GABRB2: variants seen among roughly 807,000 people sequenced by gnomAD.
GABRB2 encodes gamma-aminobutyric acid type A receptor subunit beta2.
Under a neutral mutation model 54.7 loss-of-function variants are expected in GABRB2, and 16 were observed. The observed-to-expected ratio is 0.29, with a 90% CI of 0.20 to 0.44. The LOEUF is 0.44. Ranked by LOEUF, GABRB2 falls within the 20% of genes least tolerant of loss-of-function variation. The pLI is 1.00. For synonymous variants in GABRB2, 244 were observed against 233.8 expected, an observed-to-expected ratio of 1.04 and a Z score of -0.40; for missense variants, 355 against 644.0, an observed-to-expected ratio of 0.55 and a Z score of 4.86.
At chr5:161,492,252 C>T (rs116324089) in intron 3 of GABRB2, among the ~76,000 whole-genome samples, 437 of 151,644 alleles carry the variant, frequency 2.9e-3, no homozygotes, top group Non-Finnish European at 4.7e-3. Flanking sequence ...AAAAAATAAT[C>T]CTCCATGTTT....
chr5:161,486,702 G>A (rs1197351236), intron 3 of GABRB2, among the ~76,000 whole-genome samples: 4 of 151,808 alleles, frequency 2.6e-5, no homozygotes, highest in Non-Finnish European at 5.9e-5. Flanking sequence ...AGACAGATAT[G>A]CTTTTCCCTC....
chr5:161,360,354 G>T (rs1457387902), intron 5 of GABRB2, among the ~76,000 whole-genome samples: 1 of 152,170 alleles, frequency 6.6e-6, no homozygotes, highest in East Asian at 1.9e-4. Context: ...ATATAAGAAG[G>T]TTCAGATGTT....
At chr5:161,510,099 C>T (rs1561676796) in intron 3 of GABRB2, among the ~76,000 whole-genome samples, 1 of 151,710 alleles carries the variant, frequency 6.6e-6, no homozygotes, top group African/African-American at 2.4e-5. Flanking sequence ...GTATGTATCC[C>T]CTCGAGCATT....
At chr5:161,488,478 T>A (rs1356207221) in intron 3 of GABRB2, among the ~76,000 whole-genome samples, 1 of 151,770 alleles carries the variant, frequency 6.6e-6, no homozygotes, top group African/African-American at 2.4e-5. Context: ...TATGATTGTA[T>A]AAATATGTTT....
chr5:161,353,446 C>G (rs1473359377), intron 5 of GABRB2, among the ~76,000 whole-genome samples: 1 of 152,026 alleles, frequency 6.6e-6, no homozygotes, highest in East Asian at 1.9e-4. Flanking sequence ...TTGACAGATA[C>G]AGGAACGTTG....
intron 3 of GABRB2, among the ~76,000 whole-genome samples, chr5:161,529,587 G>A (rs2113450873): frequency 6.6e-6 from 1 of 152,058 alleles, no homozygotes; most frequent in African/African-American, 2.4e-5. Flanking sequence ...TTATTTCATA[G>A]CTTTTGAGAA....
At chr5:161,439,632 G>A (rs1289136262) in intron 4 of GABRB2, among the ~76,000 whole-genome samples, 1 of 151,372 alleles carries the variant, frequency 6.6e-6, no homozygotes, top group Non-Finnish European at 1.5e-5. Context: ...GATATAAATA[G>A]AAAAAACAAA....
chr5:161,389,468 C>A (rs1474092283), intron 5 of GABRB2, among the ~76,000 whole-genome samples: 1 of 151,794 alleles, frequency 6.6e-6, no homozygotes, highest in Non-Finnish European at 1.5e-5. Flanking sequence ...AAAGTATGAT[C>A]CTTAATATAT....
At chr5:161,458,375 A>G (rs963483726) in intron 4 of GABRB2, among the ~76,000 whole-genome samples, 4 of 152,068 alleles carry the variant, frequency 2.6e-5, no homozygotes, top group African/African-American at 9.7e-5. Flanking sequence ...TCATTTGTCT[A>G]CCACCAGTGT....
At chr5:161,325,380 A>T (rs1758331906) in intron 9 of GABRB2, among the ~76,000 whole-genome samples, 1 of 152,116 alleles carries the variant, frequency 6.6e-6, no homozygotes, top group South Asian at 2.1e-4. Context: ...AGACTTTATT[A>T]CTATATAACA....
At chr5:161,370,628 C>CT (rs1755103117) in intron 5 of GABRB2, among the ~76,000 whole-genome samples, 1 of 152,206 alleles carries the variant, frequency 6.6e-6, no homozygotes, top group African/African-American at 2.4e-5. Context: ...TTTGGCAAGA[C>CT]TGGGTACTCA....
intron 3 of GABRB2, among the ~76,000 whole-genome samples, chr5:161,461,285 T>A (rs1275814919): frequency 6.6e-6 from 1 of 152,134 alleles, no homozygotes; most frequent in African/African-American, 2.4e-5. Context: ...AGTCAGTTTA[T>A]CATGAGAATT....
intron 5 of GABRB2, among the ~76,000 whole-genome samples, chr5:161,366,023 C>T (rs148486351): frequency 6.7e-6 from 1 of 150,366 alleles, no homozygotes; most frequent in Non-Finnish European, 1.5e-5. Flanking sequence ...TTCAATTGTT[C>T]AATGAATTCG....
At chr5:161,451,424 A>G (rs559750672) in intron 4 of GABRB2, among the ~76,000 whole-genome samples, 3 of 152,318 alleles carry the variant, frequency 2.0e-5, no homozygotes, top group Non-Finnish European at 2.9e-5. Context: ...CATTCCTTCC[A>G]TAAGAACTGT....
Position 161,289,812 on chromosome 5 carries a change from TG to T in GABRB2, c.*4268del, listed in dbSNP as rs1177216885. 1.6e-4 allele frequency: 21 copies of T among 133,332 alleles called. No homozygotes were observed. The highest frequency in any genetic ancestry group is 5.9e-4 in the African/African-American group (20 of 33,812). 8.3% of individuals were successfully genotyped at this position (133,332 alleles called of 1,614,324 possible). A position where few individuals can be genotyped will look rare whatever the true frequency, so the allele number is the denominator to read the frequency against. On this transcript the variant is annotated 3_prime_UTR_variant, in exon 10 of 10. Coordinates refer to ENST00000393959, the MANE Select transcript of GABRB2 (RefSeq NM_001371727.1). Reference sequence around the variant, plus strand: ...TTGAGTGTGTGTGTGTGTGTGTGTGTGACTGTGTGTGACTGTGTGTGTGATA... The same window carrying T: ...TTGAGTGTGTGTGTGTGTGTGTGTGTACTGTGTGTGACTGTGTGTGTGATA...
At chr5:161,495,525 C>T (rs186491984) in intron 3 of GABRB2, among the ~76,000 whole-genome samples, 21 of 151,252 alleles carry the variant, frequency 1.4e-4, no homozygotes, top group Admixed American at 1.2e-3. Flanking sequence ...ACGTTTGCCC[C>T]AAATTATCCT....
intron 3 of GABRB2, among the ~76,000 whole-genome samples, chr5:161,462,016 T>C (rs921086964): frequency 5.3e-5 from 8 of 152,162 alleles, no homozygotes; most frequent in Non-Finnish European, 7.3e-5. Flanking sequence ...ACAGTTTTCA[T>C]GGGAACAACG....
intron 4 of GABRB2, among the ~76,000 whole-genome samples, chr5:161,416,831 A>G (rs1756692037): frequency 6.6e-6 from 1 of 151,900 alleles, no homozygotes; most frequent in Non-Finnish European, 1.5e-5. Context: ...ATTTATTCTA[A>G]TTACAAAGAA....
chr5:161,358,834 A>T (rs1224653101), intron 5 of GABRB2, among the ~76,000 whole-genome samples: 1 of 152,188 alleles, frequency 6.6e-6, no homozygotes, highest in East Asian at 1.9e-4. Context: ...TGTTAAGGAC[A>T]GAGGGAGAAT....
Sources: gnomAD v4.1 joint callset for allele counts (sites outside exome capture counted in the v4.1 genomes callset) on GRCh38, gnomAD v4.1.1 for gene constraint, MANE v1.5 for transcripts, NCBI Gene and HGNC (gene_info 2026-07-23, HGNC 2026-07-21) for gene names.